Variants in PEX14 observed in about 807,000 individuals in gnomAD.
PEX14 encodes peroxisomal biogenesis factor 14, also known as peroxisomal membrane protein PEX14.
A neutral mutation model predicts 49.5 loss-of-function variants in PEX14; 15 were observed. The observed-to-expected ratio is 0.30, with a 90% CI of 0.20 to 0.47. PEX14 has a LOEUF of 0.47. PEX14 is among the 20% of genes least tolerant of loss of function. The pLI is 1.00. For synonymous variants in PEX14, 210 were observed against 212.7 expected, an observed-to-expected ratio of 0.99 and a Z score of 0.11; for missense variants, 398 against 494.8, an observed-to-expected ratio of 0.80 and a Z score of 1.86.
chr1:10,508,003 C>T (rs995709414), intron 2 of PEX14, among the ~76,000 whole-genome samples: 3 of 152,152 alleles, frequency 2.0e-5, no homozygotes, highest in Non-Finnish European at 4.4e-5. Flanking sequence ...TTGAAACTTT[C>T]CCCCATGGGC....
intron 1 of PEX14, among the ~76,000 whole-genome samples, chr1:10,487,481 CTTTTTTTTTTTT>C (rs33968565): frequency 1.3e-4 from 11 of 86,756 alleles, no homozygotes; most frequent in South Asian, 4.5e-4. Context: ...TTCTTTCTTT[CTTTTTTTTTTTT>C]TTTTTTTTTT....
chr1:10,544,593 T>C (rs1286225425), intron 3 of PEX14, among the ~76,000 whole-genome samples: 1 of 152,136 alleles, frequency 6.6e-6, no homozygotes, highest in East Asian at 1.9e-4. Flanking sequence ...TTATGACATA[T>C]GTATAATTGG....
intron 2 of PEX14, among the ~76,000 whole-genome samples, chr1:10,500,395 A>G: frequency 6.6e-6 from 1 of 150,646 alleles, no homozygotes; most frequent in Admixed American, 6.6e-5. Context: ...AAAAAAAAAA[A>G]AAAAAAAGAA....
intron 1 of PEX14, among the ~76,000 whole-genome samples, chr1:10,492,391 T>C (rs1641488312): frequency 6.6e-6 from 1 of 152,232 alleles, no homozygotes; most frequent in Non-Finnish European, 1.5e-5. Context: ...ACATTATTAT[T>C]TATGGGGTAG....
chr1:10,613,412 C>G lies in PEX14; in HGVS notation c.299-4920C>G, dbSNP rs1178906945. On this transcript the variant is annotated intron_variant, in intron 4 of 8. Transcript: ENST00000356607. This position sits in a 1 kb window ranked among gnomAD's most constrained non-coding sequence, Gnocchi z 5.0. ...GAGCCGGGCAGAGCTTAAGCTAGTT[C>G]GTGGAGTCCTTGGAAGGTTGGGTTT... 6.6e-6 allele frequency among the ~76,000 whole-genome samples: 1 copy of G among 152,154 alleles called. No homozygotes were observed. Among genetic ancestry groups the G allele is most frequent in the African/African-American group, 2.4e-5 (1 of 41,428 alleles).
At chr1:10,547,857 C>A (rs897169669) in intron 3 of PEX14, among the ~76,000 whole-genome samples, 1 of 152,036 alleles carries the variant, frequency 6.6e-6, no homozygotes, top group Non-Finnish European at 1.5e-5. Context: ...TGATATACTT[C>A]CAGTTTGTCC....
intron 4 of PEX14, chr1:10,616,854 C>T (rs1159643870): frequency 2.0e-5 from 3 of 152,046 alleles, no homozygotes; most frequent in Non-Finnish European, 4.4e-5. Context: ...CGGTGCTGCT[C>T]GCCTGTAGTC....
intron 4 of PEX14, among the ~76,000 whole-genome samples, chr1:10,616,148 G>A (rs540349641): frequency 3.3e-5 from 5 of 152,192 alleles, no homozygotes; most frequent in East Asian, 3.9e-4. Flanking sequence ...CAGCCCTGTC[G>A]TCTCTGCCCC....
At chr1:10,558,297 C>T (rs1040686714) in intron 3 of PEX14, among the ~76,000 whole-genome samples, 5 of 152,202 alleles carry the variant, frequency 3.3e-5, no homozygotes, top group Admixed American at 1.3e-4. Flanking sequence ...TGTGAGCCAC[C>T]GTGCCCGGCC....
At chr1:10,558,609 C>T in intron 3 of PEX14, among the ~76,000 whole-genome samples, 1 of 151,888 alleles carries the variant, frequency 6.6e-6, no homozygotes, top group East Asian at 2.0e-4. Flanking sequence ...TGGTGGTACA[C>T]ACCTGTAATC....
chr1:10,578,145 G>A (rs61776260), intron 3 of PEX14, among the ~76,000 whole-genome samples: 13,992 of 152,084 alleles, frequency 0.092, 1,758 homozygotes, highest in African/African-American at 0.28. Context: ...GGATCACCCC[G>A]AAGTACATAT....
intron 3 of PEX14, among the ~76,000 whole-genome samples, chr1:10,589,561 T>TTTTGTTTG (rs59290449): frequency 5.3e-5 from 8 of 150,138 alleles, no homozygotes; most frequent in Admixed American, 5.3e-4. Flanking sequence ...ATTTTTGTAG[T>TTTTGTTTG]TTTGTTTGTT....
chr1:10,615,485 G>C (rs373738801), intron 4 of PEX14, among the ~76,000 whole-genome samples: 33 of 152,246 alleles, frequency 2.2e-4, no homozygotes, highest in African/African-American at 7.5e-4. Context: ...GTATTGGCAG[G>C]AATCTCTGCG....
intron 3 of PEX14, among the ~76,000 whole-genome samples, chr1:10,590,556 G>A (rs1191930857): frequency 6.6e-6 from 1 of 152,068 alleles, no homozygotes; most frequent in East Asian, 1.9e-4. Flanking sequence ...GGGGGGTAGG[G>A]GTCCTAGGGA....
chr1:10,510,464 A>G (rs1016297476), intron 2 of PEX14, among the ~76,000 whole-genome samples: 10 of 152,146 alleles, frequency 6.6e-5, no homozygotes, highest in African/African-American at 2.4e-4. Flanking sequence ...TTTGTGTTCC[A>G]GCTTATCTAC....
chr1:10,513,061 T>G (rs995638117), intron 2 of PEX14, among the ~76,000 whole-genome samples: 1 of 152,228 alleles, frequency 6.6e-6, no homozygotes, highest in Non-Finnish European at 1.5e-5. Flanking sequence ...ATCCTTTGAC[T>G]TATATTAGAA....
At position 10,630,379 on chromosome 1, in the gene PEX14, T is replaced by G; in HGVS notation, c.*392T>G. The stretch of plus-strand genomic sequence containing the variant: ...GCATGGCCAGAGCTAGCGTCCCTAC[T>G]GCCTCCCGACTCCTCAGTGGAGGAG... On this transcript the variant is annotated 3_prime_UTR_variant, in exon 9 of 9. Transcript: ENST00000356607. The surrounding 1 kb of genome is among the most constrained non-coding windows in gnomAD (Gnocchi z 4.1). The G allele has an allele frequency of 4.1e-6, 1 of 241,242 alleles. No individual in the cohort carries two copies. Among genetic ancestry groups the G allele is most frequent in the African/African-American group, 2.3e-5 (1 of 44,288 alleles). The allele number at this position is 241,242 out of a possible 1,614,324, so 14.9% of individuals were successfully genotyped here.
intron 3 of PEX14, among the ~76,000 whole-genome samples, chr1:10,580,790 T>C (rs1049017465): frequency 3.9e-5 from 6 of 152,210 alleles, no homozygotes; most frequent in African/African-American, 1.4e-4. Flanking sequence ...TTCTTTTTTT[T>C]TTCAGTGCAT....
At chr1:10,608,137 A>G (rs1641176003) in intron 4 of PEX14, among the ~76,000 whole-genome samples, 1 of 151,840 alleles carries the variant, frequency 6.6e-6, no homozygotes, top group Non-Finnish European at 1.5e-5. Flanking sequence ...CTGGCTAATT[A>G]TTGTATTTTG....
Sources: gnomAD v4.1 joint callset for allele counts (sites outside exome capture counted in the v4.1 genomes callset) on GRCh38, gnomAD v4.1.1 for gene constraint, Gnocchi (gnomAD v3.1) non-coding constraint, MANE v1.5 for transcripts, NCBI Gene and HGNC (gene_info 2026-07-23, HGNC 2026-07-21) for gene names.